Variants in FREM1 observed in about 807,000 individuals in gnomAD.
FREM1 encodes the protein FRAS1-related extracellular matrix protein 1.
In FREM1, 220 loss-of-function variants were observed where a neutral mutation model predicts 210.1. The observed-to-expected ratio is 1.05, with a 90% CI of 0.94 to 1.17. FREM1 has a LOEUF of 1.17. FREM1 is among the 50% of genes most tolerant of loss of function. FREM1 has a pLI of 0.00. For synonymous variants in FREM1, 1,189 were observed against 980.2 expected, an observed-to-expected ratio of 1.21 and a Z score of -3.98; for missense variants, 3,454 against 2,675.5, an observed-to-expected ratio of 1.29 and a Z score of -6.42.
intron 34 of FREM1, 71 bp from the exon 35 acceptor site, chr9:14,746,539 C>A: frequency 8.7e-7 from 1 of 1,155,120 alleles, no homozygotes; most frequent in South Asian, 1.2e-5. Flanking sequence ...CATAAGGAGT[C>A]CTACGAGTTC....
intron 1 of FREM1, among the ~76,000 whole-genome samples, chr9:14,884,570 A>G (rs1008773102): frequency 5.0e-4 from 76 of 152,344 alleles, no homozygotes; most frequent in African/African-American, 1.8e-3. Context: ...AAAATAATTT[A>G]GTAACATAAT....
At position 14,806,821 on chromosome 9, in the gene FREM1, G is replaced by T; in HGVS notation, c.3114C>A (p.Gly1038=). The T allele has an allele frequency of 6.2e-6, 10 of 1,603,828 alleles. No individual in the cohort carries two copies. Among genetic ancestry groups the T allele is most frequent in the Non-Finnish European group, 8.5e-6 (10 of 1,174,390 alleles). ...AIGPVFVVDE[G]CSTALTVNHL... ...GGTTAACAGTAAGGGCTGTTGAGCAGCCCTCATCTACAACAAACACGGGAC... is the reference window on the plus strand; with the variant it reads ...GGTTAACAGTAAGGGCTGTTGAGCATCCCTCATCTACAACAAACACGGGAC... The change falls in exon 18 of 37, where the codon GGC becomes GGA. Residue 1038 remains glycine (G), a synonymous_variant. Transcript: ENST00000380880.
At position 14,816,829 on chromosome 9, in the gene FREM1, G is replaced by A; in HGVS notation, c.2589C>T (p.Leu863=). 6.9e-7 allele frequency: 1 copy of A among 1,445,838 alleles called. No individual in the cohort carries two copies. Among genetic ancestry groups the A allele is most frequent in the Non-Finnish European group, 9.3e-7 (1 of 1,071,034 alleles). 89.6% of individuals were successfully genotyped at this position (1,445,838 alleles called of 1,614,324 possible). A position where few individuals can be genotyped will look rare whatever the true frequency, so the allele number is the denominator to read the frequency against. ...AATTTGTGCCATCGGTGACCTCCAA[G>A]AGTAGGTCATCCTGAAGAACTTCAG... The part of the protein sequence containing the change: ...DGTEVLQDDL[L]LEVTDGTNSA... The change falls in exon 15 of 37, where the codon CTC becomes CTT. Residue 863 remains leucine, a synonymous_variant. Coordinates refer to ENST00000380880, the MANE Select transcript of FREM1 (RefSeq NM_001379081.2).
At chr9:14,856,835 CAA>C (rs754857691) in intron 5 of FREM1, among the ~76,000 whole-genome samples, 67 of 78,072 alleles carry the variant, frequency 8.6e-4, no homozygotes, top group Admixed American at 1.8e-3. Context: ...GACTCCGTCT[CAA>C]AAAAAAAAAA....
chr9:14,807,474 A>G (rs780278524), intron 17 of FREM1, among the ~76,000 whole-genome samples: 1 of 152,180 alleles, frequency 6.6e-6, no homozygotes. Context: ...AATGCCTATG[A>G]AAAGATGACT....
intron 27 of FREM1, among the ~76,000 whole-genome samples, chr9:14,764,802 C>T (rs923923): frequency 0.98 from 148,771 of 152,288 alleles, 72,767 homozygotes; most frequent in Middle Eastern, 1. Flanking sequence ...TTTCTAGCTA[C>T]TTGATTCATT....
At chr9:14,860,986 T>TATACACAC (rs1830154640) in intron 3 of FREM1, among the ~76,000 whole-genome samples, 1 of 119,860 alleles carries the variant, frequency 8.3e-6, no homozygotes, top group African/African-American at 3.8e-5. Context: ...TATATACACA[T>TATACACAC]ATATACATAT....
At chr9:14,875,697 G>C (rs1833582109) in intron 1 of FREM1, among the ~76,000 whole-genome samples, 1 of 152,172 alleles carries the variant, frequency 6.6e-6, no homozygotes. Flanking sequence ...TCTCCATCCA[G>C]CTTTGTTCCG....
chr9:14,784,735 A>C, intron 23 of FREM1, 101 bp from the exon 24 acceptor site: 1 of 763,610 alleles, frequency 1.3e-6, no homozygotes, highest in Non-Finnish European at 1.9e-6. Flanking sequence ...AAAAATCAAA[A>C]TTAATACGAC....
At position 14,792,694 on chromosome 9, in the gene FREM1, T is replaced by A. The variant is rs745905965; in HGVS notation, c.3981+49A>T. 4.2e-6 allele frequency: 6 copies of A among 1,440,080 alleles called. No individual in the cohort carries two copies. In the South Asian group the frequency reaches 8.6e-5, roughly 21 times the overall value. The allele number at this position is 1,440,080 out of a possible 1,614,324, so 89.2% of individuals were successfully genotyped here. ...ATAGAAATGTGTATATTGAGAAGATTTATACCTGCTACGTTAGTTTTGAAA... is the reference window on the plus strand; with the variant it reads ...ATAGAAATGTGTATATTGAGAAGATATATACCTGCTACGTTAGTTTTGAAA... On this transcript the variant is annotated intron_variant, in intron 22 of 36. Coordinates refer to ENST00000380880, the MANE Select transcript of FREM1 (RefSeq NM_001379081.2).
Position 14,756,346 on chromosome 9 carries a change from T to TA in FREM1, c.5407+27dup, listed in dbSNP as rs1844360324. 3 of 1,512,184 alleles carry TA rather than the reference T, an allele frequency of 2.0e-6. No homozygotes were observed. In the South Asian group the frequency reaches 3.7e-5, roughly 19 times the overall value. 93.7% of individuals were successfully genotyped at this position (1,512,184 alleles called of 1,614,324 possible). ...AAAAAAAAACAAAAAACAAAACACA[T>TA]AAAACAAACTGCAGACACAAAATGT... On this transcript the variant is annotated intron_variant, in intron 29 of 36. Coordinates refer to ENST00000380880, the MANE Select transcript of FREM1 (RefSeq NM_001379081.2).
intron 13 of FREM1, among the ~76,000 whole-genome samples, chr9:14,822,243 T>C (rs1821493499): frequency 6.6e-6 from 1 of 152,180 alleles, no homozygotes; most frequent in Admixed American, 6.5e-5. Context: ...GGTATGTCTT[T>C]ATTAGCAGCG....
Position 14,868,941 on chromosome 9 carries a change from G to T in FREM1, c.37C>A (p.Leu13Met). Residue 13 changes from leucine to methionine, a missense_variant, in exon 2 of 37, where the codon CTG becomes ATG. Physicochemically the swap from Leu to Met is conservative, Grantham distance 15. Coordinates refer to ENST00000380880, the MANE Select transcript of FREM1 (RefSeq NM_001379081.2). ...GCCCAGGCCAGGAGGAGCAGCAGCA[G>T]CACGGCATTCGCAGCCCCCCAACTC... ...SLSWGAANAV[L>M]LLLLLAWASP... The T allele has an allele frequency of 6.3e-7, 1 of 1,598,244 alleles. No individual in the cohort carries two copies.
intron 25 of FREM1, among the ~76,000 whole-genome samples, chr9:14,773,118 C>T (rs541459261): frequency 6.6e-6 from 1 of 152,250 alleles, no homozygotes; most frequent in Non-Finnish European, 1.5e-5. Context: ...TTAAAGAAAG[C>T]TCTGTCCCCT....
At chr9:14,819,830 C>T (rs1358116428) in intron 13 of FREM1, among the ~76,000 whole-genome samples, 2 of 152,158 alleles carry the variant, frequency 1.3e-5, no homozygotes, top group Non-Finnish European at 2.9e-5. Flanking sequence ...AAAAAATACA[C>T]AAAATCTATG....
intron 20 of FREM1, among the ~76,000 whole-genome samples, chr9:14,798,836 G>A (rs1035088885): frequency 2.6e-5 from 4 of 151,950 alleles, no homozygotes; most frequent in Admixed American, 1.3e-4. Flanking sequence ...ACCACACCTG[G>A]CTAATTTTTG....
intron 1 of FREM1, among the ~76,000 whole-genome samples, chr9:14,874,060 C>A (rs1833228455): frequency 6.6e-6 from 1 of 152,120 alleles, no homozygotes; most frequent in South Asian, 2.1e-4. Context: ...TGTTCTTTTA[C>A]ATTTGCTGAG....
At chr9:14,849,696 G>C (rs936291256) in intron 6 of FREM1, among the ~76,000 whole-genome samples, 1 of 152,208 alleles carries the variant, frequency 6.6e-6, no homozygotes, top group Non-Finnish European at 1.5e-5. Context: ...AATGCATTCG[G>C]TTGGGCCCTG....
At chr9:14,778,079 T>A (rs950037900) in intron 24 of FREM1, among the ~76,000 whole-genome samples, 11 of 152,258 alleles carry the variant, frequency 7.2e-5, no homozygotes, top group Admixed American at 6.5e-4. Context: ...TTCACACACC[T>A]CGACTTGTAA....
Sources: allele counts gnomAD v4.1 joint callset (sites outside exome capture counted in the v4.1 genomes callset), GRCh38; gene constraint gnomAD v4.1.1; transcripts MANE v1.5; gene names NCBI Gene and HGNC (gene_info 2026-07-23, HGNC 2026-07-21).